Variants in ANKRD26 observed in about 807,000 individuals in gnomAD.
ANKRD26 encodes ankyrin repeat domain-containing protein 26.
In ANKRD26, 141 loss-of-function variants were observed where a neutral mutation model predicts 208.7. That is an observed-to-expected ratio of 0.68 (90% CI 0.59 to 0.78). The LOEUF (loss-of-function observed/expected upper bound fraction) is 0.78, where lower values mean the gene tolerates loss of function less well. Among genes scored for constraint, ANKRD26 ranks in the 30% least tolerant of loss-of-function variants. ANKRD26 has a pLI of 0.00. For synonymous variants in ANKRD26, 636 were observed against 660.4 expected (o/e 0.96, Z 0.57); for missense variants, 1,889 against 1,938.7 (o/e 0.97, Z 0.48).
Position 27,017,563 on chromosome 10 carries a change from A to G in ANKRD26, c.4445T>C (p.Ile1482Thr), listed in dbSNP as rs80097260. The G allele has an allele frequency of 5.4e-3, 8,752 of 1,613,592 alleles. 29 individuals are homozygous for G. Among genetic ancestry groups the G allele is most frequent in the Non-Finnish European group, 6.5e-3 (7,653 of 1,179,806 alleles). ...TATTTCCTGTCTTGCTCTTTCTTCA[A>G]TCTCCTGTTTATACTGTTTGACTTG... Reference protein sequence around the residue: ...LGQVKQYKQEIEERARQEIAE... With the variant: ...LGQVKQYKQETEERARQEIAE... The change falls in exon 30 of 34, where the codon ATT (isoleucine) becomes ACT (threonine). Residue 1482 changes from isoleucine to threonine, a missense_variant. Physicochemically the swap from Ile to Thr is moderately conservative, Grantham distance 89 (BLOSUM62 -1). This residue lies in a region of ANKRD26 where 613 missense variants were observed against 648.2 expected (regional missense o/e 0.95). Transcript: ENST00000376087.
chr10:27,085,170 G>A (rs746543605), intron 5 of ANKRD26, among the ~76,000 whole-genome samples: 2 of 150,812 alleles, frequency 1.3e-5, no homozygotes, highest in Non-Finnish European at 1.5e-5. Flanking sequence ...ACACAATCTC[G>A]GCTCACTGCA....
intron 11 of ANKRD26, chr10:27,066,189 T>C (rs997602532): frequency 5.0e-6 from 1 of 199,122 alleles, no homozygotes; most frequent in East Asian, 1.2e-4. Flanking sequence ...AGTTTTTAGA[T>C]AAACTTAACT....
the ANKRD26 span, among the ~76,000 whole-genome samples, chr10:26,956,211 T>C: frequency 3.3e-5 from 5 of 152,282 alleles, no homozygotes; most frequent in South Asian, 1.0e-3. Flanking sequence ...TAAATTGTTC[T>C]CTCATGATAT....
intron 21 of ANKRD26, 72 bp downstream of exon 21, chr10:27,039,893 C>G (rs868726877): frequency 4.2e-6 from 6 of 1,415,724 alleles, no homozygotes; most frequent in Middle Eastern, 2.4e-4. Context: ...GAAGATAAGT[C>G]AGCAATTACA....
chr10:27,058,314 A>G (rs1296978546), intron 15 of ANKRD26, among the ~76,000 whole-genome samples: 1 of 152,200 alleles, frequency 6.6e-6, no homozygotes, highest in East Asian at 1.9e-4. Context: ...CACATAATGC[A>G]TAATATATTT....
intron 6 of ANKRD26, among the ~76,000 whole-genome samples, chr10:27,081,856 G>A (rs1440822947): frequency 6.6e-6 from 1 of 151,770 alleles, no homozygotes; most frequent in East Asian, 1.9e-4. Context: ...TCCTTTCTCA[G>A]CCTCCTGAGT....
intron 16 of ANKRD26, among the ~76,000 whole-genome samples, chr10:27,050,524 A>G (rs191990080): frequency 2.0e-5 from 3 of 152,336 alleles, no homozygotes; most frequent in Non-Finnish European, 2.9e-5. Context: ...GAATGGAATT[A>G]TAAGTTCCAA....
At chr10:26,961,791 G>T in the ANKRD26 span, among the ~76,000 whole-genome samples, 1 of 152,194 alleles carries the variant, frequency 6.6e-6, no homozygotes, top group African/African-American at 2.4e-5. Context: ...CACCTGGTAG[G>T]TGGAAACAAC....
chr10:26,949,536 C>T, the ANKRD26 span, among the ~76,000 whole-genome samples: 2 of 152,006 alleles, frequency 1.3e-5, no homozygotes, highest in African/African-American at 4.8e-5. Flanking sequence ...ACCAGTGTCT[C>T]ACTCTGTCGC....
At chr10:27,044,520 GTT>G (rs764984446) in intron 18 of ANKRD26, among the ~76,000 whole-genome samples, 3 of 143,686 alleles carry the variant, frequency 2.1e-5, no homozygotes, top group African/African-American at 2.5e-5. Flanking sequence ...AATATACCAG[GTT>G]TTTTTTTTTT....
intron 1 of ANKRD26, among the ~76,000 whole-genome samples, chr10:27,099,565 G>T (rs968227152): frequency 2.1e-5 from 3 of 143,202 alleles, no homozygotes; most frequent in Admixed American, 1.4e-4. Context: ...TTAGAGTTGG[G>T]GGGGGGGGTC....
chr10:27,100,304 T>C lies in ANKRD26; in HGVS notation c.23A>G (p.Lys8Arg). ...GAAGGAGCCCAAGGGCGACTCGCCC[T>C]TCTTACTAAAAATCTTCTTCATGGC... is the stretch of plus-strand genomic sequence containing the variant. MKKIFSKKGESPLGSFAR... is the reference protein window; with the variant it reads MKKIFSKRGESPLGSFAR... The change falls in exon 1 of 34, where the codon AAG (lysine) becomes AGG (arginine). Residue 8 changes from lysine (K) to arginine (R), a missense_variant. By Grantham distance (26) the Lys-to-Arg change is conservative. This residue lies in a region of ANKRD26 where 1,272 missense variants were observed against 1,273.8 expected (regional missense o/e 1.00). Transcript: ENST00000376087. 3 of 1,609,324 alleles carry C rather than the reference T, an allele frequency of 1.9e-6. No homozygotes were observed. Among genetic ancestry groups the C allele is most frequent in the Non-Finnish European group, 2.5e-6 (3 of 1,179,760 alleles).
intron 4 of ANKRD26, among the ~76,000 whole-genome samples, chr10:27,091,680 A>C (rs1162817204): frequency 1.3e-5 from 2 of 152,324 alleles, no homozygotes; most frequent in African/African-American, 4.8e-5. Flanking sequence ...AAAAGGGTGA[A>C]GAAGTTCAAT....
intron 5 of ANKRD26, among the ~76,000 whole-genome samples, chr10:26,994,818 G>A (rs1232820073): frequency 6.6e-6 from 1 of 152,174 alleles, no homozygotes; most frequent in African/African-American, 2.4e-5. Context: ...CCAAAGTCAT[G>A]AGCAAACCCA....
At chr10:27,027,677 T>C (rs1024710071) in intron 27 of ANKRD26, among the ~76,000 whole-genome samples, 1 of 152,212 alleles carries the variant, frequency 6.6e-6, no homozygotes, top group Admixed American at 6.5e-5. Context: ...CAAGTAGTAT[T>C]ACCATGAATA....
chr10:27,027,019 C>G (rs2053682191), intron 27 of ANKRD26, among the ~76,000 whole-genome samples: 1 of 152,166 alleles, frequency 6.6e-6, no homozygotes, highest in Non-Finnish European at 1.5e-5. Context: ...CTCCTAACCT[C>G]AGGTGATCCA....
rs114108932 is a variant in ANKRD26, at chr10:26,980,583, T to C, written c.*274A>G. Among the ~76,000 whole-genome samples, 709 of 152,234 alleles carry C rather than the reference T, an allele frequency of 4.7e-3. 6 individuals carry two copies. Among genetic ancestry groups the C allele is most frequent in the African/African-American group, 0.016 (668 of 41,578 alleles). On this transcript the variant is annotated 3_prime_UTR_variant and NMD_transcript_variant, in exon 5 of 6. Transcript: ENST00000674670. ...TCACTGGGGTTTCCCTACCTGTTAC[T>C]GGTCATTCCCTATATGGTGTGATCA...
Position 27,100,484 on chromosome 10 carries a change from C to G in ANKRD26, c.-158G>C. 2.6e-6 allele frequency: 3 copies of G among 1,140,634 alleles called. No homozygotes were observed. The highest frequency in any genetic ancestry group is 5.1e-5 in the East Asian group (2 of 39,372). 70.7% of individuals were successfully genotyped at this position (1,140,634 alleles called of 1,614,324 possible). ...CCTCCGGGTTACCAAGCAAGCGATCCCGCTAGACACAAGTGCGCATGCGCA... is the reference window on the plus strand; with the variant it reads ...CCTCCGGGTTACCAAGCAAGCGATCGCGCTAGACACAAGTGCGCATGCGCA... On this transcript the variant is annotated 5_prime_UTR_variant, in exon 1 of 34. Coordinates refer to ENST00000376087, the MANE Select transcript of ANKRD26 (RefSeq NM_014915.3).
downstream of ANKRD26, among the ~76,000 whole-genome samples, chr10:27,000,174 A>G (rs1341716604): frequency 6.6e-6 from 1 of 152,238 alleles, no homozygotes; most frequent in Non-Finnish European, 1.5e-5. Context: ...CAGAGGACCC[A>G]GATAGACCAT....
Sources: allele counts gnomAD v4.1 joint callset (sites outside exome capture counted in the v4.1 genomes callset), GRCh38; gene constraint gnomAD v4.1.1; regional missense constraint gnomAD v4.1.1; transcripts MANE v1.5; gene names NCBI Gene and HGNC (gene_info 2026-07-23, HGNC 2026-07-21).